SHROOM3: variants seen among roughly 807,000 people sequenced by gnomAD.
The protein encoded by SHROOM3 is protein Shroom3.
Under a neutral mutation model 138.6 loss-of-function variants are expected in SHROOM3, and 47 were observed. The ratio of observed to expected loss-of-function variants is 0.34; its 90% CI spans 0.27 to 0.43. SHROOM3 has a LOEUF of 0.43. Ranked by LOEUF, SHROOM3 falls within the 20% of genes least tolerant of loss-of-function variation. The pLI, the probability that SHROOM3 is intolerant of heterozygous loss-of-function variation, is 1.00. For missense variants in SHROOM3, 2,491 were observed against 2,596.5 expected (o/e 0.96, Z 0.88); for synonymous variants, 1,062 against 1,063.3 (o/e 1.00, Z 0.02).
chr4:76,451,219 G>A (rs1730920236), intron 1 of SHROOM3, among the ~76,000 whole-genome samples: 1 of 152,024 alleles, frequency 6.6e-6, no homozygotes, highest in African/African-American at 2.4e-5. Context: ...CAAAGTGCTG[G>A]GATTACAGAT....
chr4:76,616,417 G>C (rs1027192847), intron 2 of SHROOM3, among the ~76,000 whole-genome samples: 23 of 152,138 alleles, frequency 1.5e-4, no homozygotes, highest in African/African-American at 5.6e-4. Context: ...AGTGTTCATT[G>C]ATAGATGAAT....
intron 9 of SHROOM3, among the ~76,000 whole-genome samples, chr4:76,765,893 G>A (rs1052724245): frequency 6.6e-6 from 1 of 152,176 alleles, no homozygotes. Context: ...CTCAACAGTG[G>A]AAAGAAACAA....
chr4:76,506,522 A>T (rs868257368), intron 1 of SHROOM3, among the ~76,000 whole-genome samples: 30 of 152,200 alleles, frequency 2.0e-4, no homozygotes, highest in African/African-American at 7.0e-4. Context: ...TCCCTCACAG[A>T]TACTGCAGGA....
At chr4:76,732,963 G>T (rs1720927976) in intron 4 of SHROOM3, among the ~76,000 whole-genome samples, 1 of 152,194 alleles carries the variant, frequency 6.6e-6, no homozygotes, top group African/African-American at 2.4e-5. Context: ...TTAAGCTGAA[G>T]ACTTCAGGAC....
intron 2 of SHROOM3, among the ~76,000 whole-genome samples, chr4:76,705,174 T>A (rs943134240): frequency 2.0e-5 from 3 of 151,768 alleles, no homozygotes; most frequent in African/African-American, 7.3e-5. Context: ...TGGGTACTAT[T>A]AAAATACCAA....
intron 2 of SHROOM3, among the ~76,000 whole-genome samples, chr4:76,568,509 C>G (rs1733773468): frequency 6.6e-6 from 1 of 152,166 alleles, no homozygotes; most frequent in Non-Finnish European, 1.5e-5. Flanking sequence ...TCCTGTATCC[C>G]CCACCAAAGA....
intron 6 of SHROOM3, 64 bp from the exon 7 acceptor site, chr4:76,754,247 C>T: frequency 6.3e-7 from 1 of 1,593,918 alleles, no homozygotes; most frequent in South Asian, 1.1e-5. Flanking sequence ...ATGTAAGGAG[C>T]ATTGGGCTGC....
At chr4:76,538,276 G>A (rs1733024797) in intron 1 of SHROOM3, among the ~76,000 whole-genome samples, 1 of 152,206 alleles carries the variant, frequency 6.6e-6, no homozygotes, top group African/African-American at 2.4e-5. Context: ...AAAAAGAAAA[G>A]GAGGAGGTGG....
intron 2 of SHROOM3, among the ~76,000 whole-genome samples, chr4:76,574,256 C>T (rs1172101932): frequency 4.6e-5 from 7 of 152,088 alleles, no homozygotes; most frequent in Admixed American, 2.6e-4. Flanking sequence ...CTTCTTTGCA[C>T]GATGGGAAAA....
chr4:76,590,123 CTG>C (rs944839183), intron 2 of SHROOM3, among the ~76,000 whole-genome samples: 12 of 152,188 alleles, frequency 7.9e-5, no homozygotes, highest in African/African-American at 2.4e-4. Context: ...CTGGATCACT[CTG>C]TGACTGAAAG....
At chr4:76,580,243 C>A (rs1021383007) in intron 2 of SHROOM3, among the ~76,000 whole-genome samples, 4 of 152,184 alleles carry the variant, frequency 2.6e-5, no homozygotes, top group African/African-American at 9.7e-5. Flanking sequence ...CTGGGAGAGG[C>A]GTGGCATATC....
intron 2 of SHROOM3, among the ~76,000 whole-genome samples, chr4:76,623,133 C>T (rs980204806): frequency 2.0e-5 from 3 of 152,204 alleles, no homozygotes; most frequent in African/African-American, 7.2e-5. Flanking sequence ...ACTCCTCTTT[C>T]AAGTTTGGGA....
At chr4:76,675,548 C>A (rs545709171) in intron 2 of SHROOM3, among the ~76,000 whole-genome samples, 10 of 152,062 alleles carry the variant, frequency 6.6e-5, no homozygotes, top group Non-Finnish European at 1.2e-4. Flanking sequence ...GTCTAGTTGT[C>A]AAAATCCTGG....
At chr4:76,500,205 T>A (rs60240290) in intron 1 of SHROOM3, among the ~76,000 whole-genome samples, 9,235 of 152,176 alleles carry the variant, frequency 0.061, 357 homozygotes, top group African/African-American at 0.11. Context: ...GGACCCAGGA[T>A]GCTGAGCTGT....
chr4:76,580,446 C>CTTTTTTTTT (rs869200924), intron 2 of SHROOM3, among the ~76,000 whole-genome samples: 1 of 88,088 alleles, frequency 1.1e-5, no homozygotes, highest in African/African-American at 3.9e-5. Context: ...TGGGCAAGTT[C>CTTTTTTTTT]TTTTTTTTTT....
At chr4:76,650,935 G>A (rs1204412585) in intron 2 of SHROOM3, among the ~76,000 whole-genome samples, 1 of 152,170 alleles carries the variant, frequency 6.6e-6, no homozygotes, top group Non-Finnish European at 1.5e-5. Flanking sequence ...ATACACAATG[G>A]AGTACTATTT....
At chr4:76,735,861 AAAAAAAAATATATATATATATATAT>A (rs1162367414) in intron 4 of SHROOM3, among the ~76,000 whole-genome samples, 80 of 21,410 alleles carry the variant, frequency 3.7e-3, no homozygotes, top group African/African-American at 0.011. Context: ...AAAAAAAAAA[AAAAAAAAATATATATATATATATAT>A]ATATATATAT....
intron 2 of SHROOM3, among the ~76,000 whole-genome samples, chr4:76,608,549 GCATAGCA>G: frequency 1.5e-5 from 1 of 67,686 alleles, no homozygotes; most frequent in Admixed American, 1.5e-4. Flanking sequence ...GCATAGCATA[GCATAGCA>G]TAGCATAGCA....
At chr4:76,716,253 G>A (rs565826192) in intron 3 of SHROOM3, 37 of 508,776 alleles carry the variant, frequency 7.3e-5, no homozygotes, top group African/African-American at 4.2e-4. Context: ...GATTCAGGCC[G>A]TCCAACTGGA....
Sources: gnomAD v4.1 joint callset for allele counts (sites outside exome capture counted in the v4.1 genomes callset) on GRCh38, gnomAD v4.1.1 for gene constraint, MANE v1.5 for transcripts, NCBI Gene and HGNC (gene_info 2026-07-23, HGNC 2026-07-21) for gene names.